MBOAT1: variants seen among roughly 807,000 people sequenced by gnomAD.
MBOAT1 encodes membrane-bound glycerophospholipid O-acyltransferase 1.
Under a neutral mutation model 64.4 loss-of-function variants are expected in MBOAT1, and 67 were observed. The ratio of observed to expected loss-of-function variants is 1.04; its 90% CI spans 0.85 to 1.27. MBOAT1 has a LOEUF of 1.27. Among genes scored for constraint, MBOAT1 ranks in the 50% most tolerant of loss-of-function variants. The pLI is 0.00. For synonymous variants in MBOAT1, 229 were observed against 218.9 expected (o/e 1.05, Z -0.41); for missense variants, 563 against 604.6 (o/e 0.93, Z 0.72).
chr6:20,109,889 A>C (rs868215190), intron 11 of MBOAT1, 140 bp from the exon 12 acceptor site: 1 of 715,478 alleles, frequency 1.4e-6, no homozygotes, highest in Non-Finnish European at 2.1e-6. Context: ...TTCGACTACA[A>C]ATACCATCAG....
chr6:20,209,756 C>A (rs1172845155), intron 1 of MBOAT1, among the ~76,000 whole-genome samples: 1 of 152,212 alleles, frequency 6.6e-6, no homozygotes, highest in Non-Finnish European at 1.5e-5. Context: ...CTCTTATCCT[C>A]AGGTTACTCC....
At chr6:20,125,727 C>A (rs971786613) in intron 7 of MBOAT1, among the ~76,000 whole-genome samples, 4 of 152,184 alleles carry the variant, frequency 2.6e-5, no homozygotes, top group Admixed American at 2.6e-4. Context: ...GTGCTGAGAA[C>A]TGAACTATGT....
chr6:20,185,934 T>C (rs966443878), intron 1 of MBOAT1, among the ~76,000 whole-genome samples: 18 of 152,086 alleles, frequency 1.2e-4, no homozygotes, highest in Non-Finnish European at 2.2e-4. Flanking sequence ...CTAATCCCGA[T>C]GCTTTGGGAG....
intron 1 of MBOAT1, among the ~76,000 whole-genome samples, chr6:20,157,931 G>A (rs1465811228): frequency 1.3e-5 from 2 of 151,974 alleles, no homozygotes; most frequent in African/African-American, 2.4e-5. Context: ...CAAGGCGCGC[G>A]GATCAGCTGA....
At chr6:20,145,616 G>A (rs73384424) in intron 3 of MBOAT1, among the ~76,000 whole-genome samples, 1 of 152,158 alleles carries the variant, frequency 6.6e-6, no homozygotes, top group East Asian at 1.9e-4. Flanking sequence ...CAGCATGCAA[G>A]GTGCTTCACA....
At chr6:20,176,285 A>T (rs562560331) in intron 1 of MBOAT1, among the ~76,000 whole-genome samples, 52 of 50,372 alleles carry the variant, frequency 1.0e-3, no homozygotes, top group African/African-American at 2.1e-3. Flanking sequence ...CCCTGTCTTT[A>T]AAAAAAAAAA....
At chr6:20,196,869 A>C (rs35028327) in intron 1 of MBOAT1, among the ~76,000 whole-genome samples, 4 of 119,696 alleles carry the variant, frequency 3.3e-5, no homozygotes, top group Non-Finnish European at 5.5e-5. Context: ...TCTCAAAAAA[A>C]AAAACAAACA....
chr6:20,129,373 T>A (rs1325223311), intron 5 of MBOAT1, among the ~76,000 whole-genome samples: 1 of 152,252 alleles, frequency 6.6e-6, no homozygotes, highest in Non-Finnish European at 1.5e-5. Flanking sequence ...ATCCATGCTT[T>A]CTGTGAAATG....
intron 1 of MBOAT1, among the ~76,000 whole-genome samples, chr6:20,166,211 T>C (rs1204264452): frequency 6.6e-6 from 1 of 152,206 alleles, no homozygotes; most frequent in Non-Finnish European, 1.5e-5. Flanking sequence ...CAACAAAAGA[T>C]GGACATCTTT....
At chr6:20,118,703 A>T (rs1760406405) in intron 8 of MBOAT1, among the ~76,000 whole-genome samples, 163 bp from the exon 9 acceptor site, 1 of 131,098 alleles carries the variant, frequency 7.6e-6, no homozygotes, top group South Asian at 2.4e-4. Flanking sequence ...TCTGAATCAG[A>T]AAAACATATT....
chr6:20,208,441 G>A (rs1236034154), intron 1 of MBOAT1, among the ~76,000 whole-genome samples: 1 of 8,304 alleles, frequency 1.2e-4, no homozygotes, highest in Non-Finnish European at 6.5e-4. Flanking sequence ...GCTAGACTCT[G>A]TCTCAAAAAA....
At chr6:20,115,180 G>C in intron 10 of MBOAT1, 108 bp downstream of exon 10, 1 of 801,650 alleles carries the variant, frequency 1.2e-6, no homozygotes, top group Non-Finnish European at 2.2e-6. Context: ...TACAAAACAA[G>C]AGTGTCAGAT....
Position 20,153,142 on chromosome 6 carries a change from G to GT in MBOAT1, c.100-374dup, listed in dbSNP as rs373152760. On this transcript the variant is annotated intron_variant, in intron 1 of 12. Coordinates refer to ENST00000324607, the MANE Select transcript of MBOAT1 (RefSeq NM_001080480.3). ...AGCCACCGCGCCCAGCCTTGCTCTT[G>GT]TTTTTTGCAGATTTCCACATCAAGA... Among the ~76,000 whole-genome samples, 375 of 152,206 alleles carry GT rather than the reference G, an allele frequency of 2.5e-3. 2 individuals carry two copies. The highest frequency in any genetic ancestry group is 4.9e-3 in the Admixed American group (75 of 15,286).
chr6:20,154,994 G>A (rs1264485357), intron 1 of MBOAT1, among the ~76,000 whole-genome samples: 1 of 152,208 alleles, frequency 6.6e-6, no homozygotes, highest in Admixed American at 6.5e-5. Flanking sequence ...ATAAGTGACA[G>A]ATCACATGTT....
chr6:20,129,903 T>G (rs868511714), intron 5 of MBOAT1, among the ~76,000 whole-genome samples: 12 of 152,200 alleles, frequency 7.9e-5, no homozygotes, highest in South Asian at 6.2e-4. Flanking sequence ...AACCTTTTAG[T>G]ACTGGGCAAA....
intron 4 of MBOAT1, among the ~76,000 whole-genome samples, chr6:20,132,112 C>T (rs1426010321): frequency 1.3e-5 from 2 of 152,120 alleles, no homozygotes; most frequent in Non-Finnish European, 2.9e-5. Context: ...CGAACATGAG[C>T]TCAAGTGATC....
chr6:20,105,168 T>C (rs920889236), intron 12 of MBOAT1, among the ~76,000 whole-genome samples: 13 of 152,228 alleles, frequency 8.5e-5, no homozygotes, highest in African/African-American at 3.1e-4. Flanking sequence ...AAATATGTCA[T>C]ACTTTGTTCT....
intron 1 of MBOAT1, among the ~76,000 whole-genome samples, chr6:20,186,125 G>A (rs1762645685): frequency 6.6e-6 from 1 of 152,206 alleles, no homozygotes; most frequent in South Asian, 2.1e-4. Flanking sequence ...TGAGGCTGCA[G>A]TAAGCTATGA....
At chr6:20,141,359 C>CTTTCTTTTTTTTTTTTTTT (rs1761168565) in intron 4 of MBOAT1, among the ~76,000 whole-genome samples, 1 of 99,810 alleles carries the variant, frequency 1.0e-5, no homozygotes. Context: ...TTTTCTTTTT[C>CTTTCTTTTTTTTTTTTTTT]TTTTTTTTTT....
Sources: gnomAD v4.1 joint callset for allele counts (sites outside exome capture counted in the v4.1 genomes callset) on GRCh38, gnomAD v4.1.1 for gene constraint, MANE v1.5 for transcripts, NCBI Gene and HGNC (gene_info 2026-07-23, HGNC 2026-07-21) for gene names.